The following MSRA variants were observed in gnomAD, a reference collection of about 807,000 sequenced individuals.
MSRA encodes the protein mitochondrial peptide methionine sulfoxide reductase.
In MSRA, 54 loss-of-function variants were observed where a neutral mutation model predicts 31.3. The observed-to-expected ratio is 1.73, with a 90% CI of 1.39 to 2.17. The LOEUF (loss-of-function observed/expected upper bound fraction) is 2.17, where lower values mean the gene tolerates loss of function less well. MSRA is among the 30% of genes most tolerant of loss of function. The pLI, the probability that MSRA is intolerant of heterozygous loss-of-function variation, is 0.00. For missense variants in MSRA, 507 were observed against 300.9 expected, an observed-to-expected ratio of 1.69 and a Z score of -5.07; for synonymous variants, 169 against 116.5, an observed-to-expected ratio of 1.45 and a Z score of -2.90.
chr8:10,149,901 GT>G (rs1364235344), intron 1 of MSRA, among the ~76,000 whole-genome samples: 9 of 5,902 alleles, frequency 1.5e-3, no homozygotes, highest in South Asian at 7.2e-3. Flanking sequence ...CACTAAGGTG[GT>G]TTTTTTTTTT....
chr8:10,242,113 A>G (rs1199811635), intron 2 of MSRA, among the ~76,000 whole-genome samples: 1 of 152,148 alleles, frequency 6.6e-6, no homozygotes, highest in Non-Finnish European at 1.5e-5. Context: ...CTCTACTAAA[A>G]ACACAGAATT....
At chr8:10,074,122 C>A (rs1360505728) in intron 1 of MSRA, among the ~76,000 whole-genome samples, 1 of 117,356 alleles carries the variant, frequency 8.5e-6, no homozygotes, top group African/African-American at 3.2e-5. Context: ...TCGCTCTGTC[C>A]CCCAGGCTGG....
intron 1 of MSRA, among the ~76,000 whole-genome samples, chr8:10,206,640 C>G (rs1585168069): frequency 6.6e-6 from 1 of 152,190 alleles, no homozygotes; most frequent in East Asian, 1.9e-4. Flanking sequence ...TCCTGGCCCT[C>G]ACTGAAGTTG....
At chr8:10,078,039 A>G (rs1187763388) in intron 1 of MSRA, among the ~76,000 whole-genome samples, 1 of 152,250 alleles carries the variant, frequency 6.6e-6, no homozygotes, top group Non-Finnish European at 1.5e-5. Flanking sequence ...TGTGAAGAGC[A>G]GTAGCATAGG....
intron 1 of MSRA, among the ~76,000 whole-genome samples, chr8:10,116,518 G>T (rs1800690187): frequency 6.6e-6 from 1 of 152,220 alleles, no homozygotes; most frequent in African/African-American, 2.4e-5. Flanking sequence ...CCTTGCCCTT[G>T]AGGCTTCTAC....
intron 5 of MSRA, among the ~76,000 whole-genome samples, chr8:10,350,513 A>T (rs1298252795): frequency 6.6e-6 from 1 of 152,212 alleles, no homozygotes; most frequent in Non-Finnish European, 1.5e-5. Context: ...ATCTACTATT[A>T]AGATGGATTT....
chr8:10,239,057 C>T (rs1421256543), intron 2 of MSRA, among the ~76,000 whole-genome samples: 2 of 151,950 alleles, frequency 1.3e-5, no homozygotes, highest in African/African-American at 4.8e-5. Flanking sequence ...ATAGAAGAAC[C>T]CAATAGAAAA....
chr8:10,115,971 C>T (rs1373800658), intron 1 of MSRA, among the ~76,000 whole-genome samples: 1 of 152,220 alleles, frequency 6.6e-6, no homozygotes, highest in Non-Finnish European at 1.5e-5. Context: ...CCGTCCCCTT[C>T]ACCTCCCACT....
At chr8:10,196,821 C>T (rs1285917519) in intron 1 of MSRA, among the ~76,000 whole-genome samples, 2 of 152,226 alleles carry the variant, frequency 1.3e-5, no homozygotes, top group South Asian at 4.1e-4. Flanking sequence ...ATCCGTCCAC[C>T]TCGGCCTCCC....
chr8:10,368,647 TC>T (rs1168769828), intron 5 of MSRA, among the ~76,000 whole-genome samples: 1 of 152,230 alleles, frequency 6.6e-6, no homozygotes, highest in Non-Finnish European at 1.5e-5. Context: ...GATGCACTGT[TC>T]CACAATGAAA....
At chr8:10,186,194 T>G (rs1390737994) in intron 1 of MSRA, among the ~76,000 whole-genome samples, 1 of 152,058 alleles carries the variant, frequency 6.6e-6, no homozygotes, top group Non-Finnish European at 1.5e-5. Context: ...CTGAAAGAGG[T>G]GCTTCCTTGT....
At chr8:10,395,963 C>G (rs1336195266) in intron 5 of MSRA, among the ~76,000 whole-genome samples, 2 of 152,216 alleles carry the variant, frequency 1.3e-5, no homozygotes, top group Admixed American at 6.5e-5. Flanking sequence ...CAAGTGCAGT[C>G]AAGCTCAAGT....
intron 1 of MSRA, among the ~76,000 whole-genome samples, chr8:10,111,305 A>G (rs574049874): frequency 6.6e-6 from 1 of 152,268 alleles, no homozygotes; most frequent in Admixed American, 6.5e-5. Context: ...AACATAAATC[A>G]TTCCATTCAG....
chr8:10,318,932 G>C (rs1275613529), intron 4 of MSRA, among the ~76,000 whole-genome samples: 1 of 152,164 alleles, frequency 6.6e-6, no homozygotes, highest in East Asian at 1.9e-4. Context: ...GCACCGCACT[G>C]CTCCGCAGTC....
chr8:10,311,859 G>C (rs533013529), intron 4 of MSRA, among the ~76,000 whole-genome samples: 1 of 152,286 alleles, frequency 6.6e-6, no homozygotes, highest in Non-Finnish European at 1.5e-5. Flanking sequence ...TGAGGCTGCA[G>C]TGAGCCATGA....
At position 10,349,082 on chromosome 8, in the gene MSRA, A is replaced by G. The variant is rs139948047; in HGVS notation, c.543+29093A>G. ...CAAAATTTGAATAATCATATGCGATACATCTATTCATTCTAAAACATGATT... is the reference window on the plus strand; with the variant it reads ...CAAAATTTGAATAATCATATGCGATGCATCTATTCATTCTAAAACATGATT... On this transcript the variant is annotated intron_variant, in intron 5 of 5. Coordinates refer to ENST00000317173, the MANE Select transcript of MSRA (RefSeq NM_012331.5). Among the ~76,000 whole-genome samples the G allele has an allele frequency of 2.1e-3, 315 of 152,388 alleles. 1 individual carries two copies. The highest frequency in any genetic ancestry group is 7.0e-3 in the African/African-American group (293 of 41,594).
At chr8:10,392,546 C>T (rs550556891) in intron 5 of MSRA, among the ~76,000 whole-genome samples, 95 of 152,216 alleles carry the variant, frequency 6.2e-4, no homozygotes, top group Non-Finnish European at 9.0e-4. Flanking sequence ...GCCGATGATG[C>T]TCTTTGTGTT....
chr8:10,276,149 G>T (rs568042996), intron 3 of MSRA, among the ~76,000 whole-genome samples: 3 of 152,132 alleles, frequency 2.0e-5, no homozygotes, highest in Non-Finnish European at 4.4e-5. Flanking sequence ...CGTGGTGGTG[G>T]CTACTCTGTT....
In MSRA at chr8:10,269,226, A is replaced by G. The variant is rs577700046; in HGVS notation, c.331+24003A>G. Among the ~76,000 whole-genome samples the G allele has an allele frequency of 2.2e-3, 340 of 152,370 alleles. 1 individual carries two copies. The highest frequency in any genetic ancestry group is 3.9e-3 in the Non-Finnish European group (265 of 68,036). On this transcript the variant is annotated intron_variant, in intron 3 of 5. Coordinates refer to ENST00000317173, the MANE Select transcript of MSRA (RefSeq NM_012331.5). ...TCCAACAATTGTGTTCAAAGAAATG[A>G]TACCACAGAGTGAGCCATTCTCAGT... is the stretch of plus-strand genomic sequence containing the variant.
Sources: gnomAD v4.1 joint callset for allele counts (sites outside exome capture counted in the v4.1 genomes callset) on GRCh38, gnomAD v4.1.1 for gene constraint, MANE v1.5 for transcripts, NCBI Gene and HGNC (gene_info 2026-07-23, HGNC 2026-07-21) for gene names.